NECTIN3: variants seen among roughly 807,000 people sequenced by gnomAD.
NECTIN3 encodes nectin cell adhesion molecule 3.
In NECTIN3, 8 loss-of-function variants were observed where a neutral mutation model predicts 49.4. That is an observed-to-expected ratio of 0.16 (90% CI 0.10 to 0.29). The LOEUF is 0.29. Among genes scored for constraint, NECTIN3 ranks in the 10% least tolerant of loss-of-function variants. NECTIN3 has a pLI of 1.00. For missense variants in NECTIN3, 581 were observed against 654.6 expected, an observed-to-expected ratio of 0.89 and a Z score of 1.23; for synonymous variants, 277 against 241.1, an observed-to-expected ratio of 1.15 and a Z score of -1.38.
intron 5 of NECTIN3, among the ~76,000 whole-genome samples, chr3:111,128,063 C>T (rs187556031): frequency 2.4e-4 from 36 of 152,114 alleles, no homozygotes; most frequent in Admixed American, 1.7e-3. Context: ...CTTGACTGGG[C>T]GTGGTGGCTC....
At chr3:111,129,276 T>C (rs1037595148) in intron 5 of NECTIN3, among the ~76,000 whole-genome samples, 1 of 152,090 alleles carries the variant, frequency 6.6e-6, no homozygotes, top group Admixed American at 6.6e-5. Flanking sequence ...CTACTATTGG[T>C]CCCCTTCTTT....
At position 111,111,883 on chromosome 3, in the gene NECTIN3, ATGTGTGTGTGTGTGCATGTG is replaced by A. The variant is rs556554881; in HGVS notation, c.161-132_161-113del. The A allele has an allele frequency of 2.0e-3, 1,107 of 546,012 alleles. 11 individuals are homozygous for A. In the African/African-American group the frequency reaches 0.022, roughly 11 times the overall value. 33.8% of individuals were successfully genotyped at this position (546,012 alleles called of 1,614,324 possible). A position where few individuals can be genotyped will look rare whatever the true frequency, so the allele number is the denominator to read the frequency against. ...TTTTGTGTGTGGTGCGTGTGAGTGCATGTGTGTGTGTGTGCATGTGTGTGTGTGTGTGTGTGTGTGTGTGT... is the reference window on the plus strand; with the variant it reads ...TTTTGTGTGTGGTGCGTGTGAGTGCATGTGTGTGTGTGTGTGTGTGTGTGT... On this transcript the variant is annotated intron_variant, in intron 1 of 5. Transcript: ENST00000485303.
upstream of NECTIN3, among the ~76,000 whole-genome samples, chr3:111,192,165 G>GGAGA (rs1466911610): frequency 6.6e-6 from 1 of 152,188 alleles, no homozygotes; most frequent in Non-Finnish European, 1.5e-5. Context: ...TCAAGAGCCA[G>GGAGA]GAGAGAGTGA....
Position 111,134,047 on chromosome 3 carries a change from G to C in NECTIN3, c.1482G>C (p.Gln494His), listed in dbSNP as rs780858409. ...ATTTAGAAGAGCCTGAAAAAACTCA[G>C]TGGAACAATGTAGAAAATCTCAATA... is the stretch of plus-strand genomic sequence containing the variant. ...KDYLEEPEKT[Q>H]WNNVENLNRF... Residue 494 changes from glutamine to histidine, a missense_variant, in exon 6 of 6, where the codon CAG (glutamine) becomes CAC (histidine). Physicochemically the swap from Gln to His is conservative, Grantham distance 24. Coordinates refer to ENST00000485303, the MANE Select transcript of NECTIN3 (RefSeq NM_015480.3). The C allele has an allele frequency of 2.0e-5, 32 of 1,613,416 alleles. No homozygotes were observed. Among genetic ancestry groups the C allele is most frequent in the Non-Finnish European group, 2.6e-5 (31 of 1,179,660 alleles).
chr3:111,082,689 T>A (rs2031690425), intron 1 of NECTIN3, among the ~76,000 whole-genome samples: 1 of 152,078 alleles, frequency 6.6e-6, no homozygotes, highest in Admixed American at 6.6e-5. Flanking sequence ...TGGCCTGGGG[T>A]TAGGGGCAGT....
chr3:111,078,601 A>G (rs1215708989), intron 1 of NECTIN3, among the ~76,000 whole-genome samples: 1 of 152,160 alleles, frequency 6.6e-6, no homozygotes, highest in African/African-American at 2.4e-5. Context: ...AATATATATT[A>G]TGTTGCAGAA....
At chr3:111,077,732 A>C (rs1255646013) in intron 1 of NECTIN3, among the ~76,000 whole-genome samples, 4 of 152,186 alleles carry the variant, frequency 2.6e-5, no homozygotes, top group African/African-American at 9.7e-5. Flanking sequence ...GATTTGACCA[A>C]ATATTATCAA....
intron 7 of NECTIN3, among the ~76,000 whole-genome samples, chr3:111,186,042 C>G (rs114221187): frequency 2.0e-5 from 3 of 151,854 alleles, no homozygotes; most frequent in African/African-American, 7.3e-5. Flanking sequence ...ATTATTTATA[C>G]GTTCTTCATA....
At chr3:111,152,873 C>A (rs898913324) in intron 7 of NECTIN3, among the ~76,000 whole-genome samples, 2 of 151,900 alleles carry the variant, frequency 1.3e-5, no homozygotes, top group Non-Finnish European at 2.9e-5. Flanking sequence ...ATCATTATAT[C>A]TTTTTAAAAG....
intron 7 of NECTIN3, among the ~76,000 whole-genome samples, chr3:111,160,352 G>C (rs951327744): frequency 1.3e-5 from 2 of 151,740 alleles, no homozygotes; most frequent in African/African-American, 4.8e-5. Flanking sequence ...CTTTCTTTTA[G>C]ATTAATGTTC....
chr3:111,193,379 AT>A (rs2035850617), intron 1 of NECTIN3: 16 of 1,530,556 alleles, frequency 1.0e-5, no homozygotes, highest in Non-Finnish European at 1.1e-5. Context: ...ATTATGTGTG[AT>A]TTTTCTCTTT....
At chr3:111,093,199 T>A (rs952555625) in intron 1 of NECTIN3, among the ~76,000 whole-genome samples, 1 of 152,168 alleles carries the variant, frequency 6.6e-6, no homozygotes, top group African/African-American at 2.4e-5. Context: ...TCCTGCAATA[T>A]CTTTTCAGTC....
At position 111,118,891 on chromosome 3, in the gene NECTIN3, T is replaced by C. The variant is rs1284978532; in HGVS notation, c.738T>C (p.Cys246=). 1 of 1,614,180 alleles carries C rather than the reference T, an allele frequency of 6.2e-7. No homozygotes were observed. Among genetic ancestry groups the C allele is most frequent in the South Asian group, 1.1e-5 (1 of 91,080 alleles). The change falls in exon 3 of 6, where the codon TGT becomes TGC. Residue 246 remains cysteine, a synonymous_variant. Transcript: ENST00000485303. The part of the protein sequence containing the change: ...TRFARGRRIT[C]VVKHPALEKD... The stretch of plus-strand genomic sequence containing the variant: ...TTGCTAGAGGAAGGCGAATTACTTG[T>C]GTTGTAAAACATCCAGCCTTGGAAA...
At chr3:111,141,808 C>G (rs1043531373), downstream of NECTIN3, among the ~76,000 whole-genome samples, 7 of 151,844 alleles carry the variant, frequency 4.6e-5, no homozygotes, top group African/African-American at 1.4e-4. Flanking sequence ...ATATATTGCT[C>G]TTAATAGAAC....
intron 7 of NECTIN3, among the ~76,000 whole-genome samples, chr3:111,168,634 G>A (rs1206155721): frequency 6.6e-6 from 1 of 152,172 alleles, no homozygotes; most frequent in Non-Finnish European, 1.5e-5. Context: ...TCAATCAAAG[G>A]TGTTTGAGAA....
chr3:111,087,008 A>T (rs1454253140), intron 1 of NECTIN3, among the ~76,000 whole-genome samples: 1 of 152,128 alleles, frequency 6.6e-6, no homozygotes, highest in East Asian at 1.9e-4. Context: ...TTTTGATGTT[A>T]TTATAAATAA....
At chr3:111,186,698 G>GA (rs1329629335) in intron 7 of NECTIN3, among the ~76,000 whole-genome samples, 19 of 152,048 alleles carry the variant, frequency 1.2e-4, no homozygotes, top group Admixed American at 1.1e-3. Flanking sequence ...AAACAAGCCT[G>GA]AAAAAACTAG....
At chr3:111,161,422 T>C (rs2035210246) in intron 7 of NECTIN3, among the ~76,000 whole-genome samples, 1 of 152,022 alleles carries the variant, frequency 6.6e-6, no homozygotes, top group Non-Finnish European at 1.5e-5. Flanking sequence ...TCACACAGAA[T>C]TGGTAAAGGG....
At chr3:111,118,407 G>A (rs1312880503) in intron 2 of NECTIN3, among the ~76,000 whole-genome samples, 3 of 151,032 alleles carry the variant, frequency 2.0e-5, no homozygotes, top group Non-Finnish European at 4.4e-5. Flanking sequence ...GTTCCCTAAA[G>A]GAATGTATAT....
Sources: allele counts gnomAD v4.1 joint callset (sites outside exome capture counted in the v4.1 genomes callset), GRCh38; gene constraint gnomAD v4.1.1; transcripts MANE v1.5; gene names NCBI Gene and HGNC (gene_info 2026-07-23, HGNC 2026-07-21).